Variants in KIAA2012 observed in about 807,000 individuals in gnomAD.
KIAA2012 encodes the protein KIAA2012, also known as uncharacterized protein KIAA2012.
In KIAA2012, 125 loss-of-function variants were observed where a neutral mutation model predicts 150.6. The observed-to-expected ratio is 0.83, with a 90% CI of 0.72 to 0.96. The LOEUF is 0.96. Ranked by LOEUF, KIAA2012 falls within the 40% of genes least tolerant of loss-of-function variation. The pLI, the probability that KIAA2012 is intolerant of heterozygous loss-of-function variation, is 0.00. For missense variants in KIAA2012, 1,219 were observed against 1,354.9 expected (o/e 0.90, Z 1.57); for synonymous variants, 462 against 504.7 (o/e 0.92, Z 1.13).
intron 15 of KIAA2012, among the ~76,000 whole-genome samples, chr2:202,184,535 T>C (rs186635541): frequency 6.6e-6 from 1 of 152,306 alleles, no homozygotes; most frequent in East Asian, 1.9e-4. Context: ...TACTGTCATA[T>C]CACTTTCCCA....
chr2:202,140,812 G>A (rs998056878), intron 13 of KIAA2012, among the ~76,000 whole-genome samples: 1 of 152,132 alleles, frequency 6.6e-6, no homozygotes, highest in Non-Finnish European at 1.5e-5. Flanking sequence ...CCACCCTGAA[G>A]CAGAGGACAT....
At chr2:202,126,994 T>C (rs1690806925) in intron 12 of KIAA2012, among the ~76,000 whole-genome samples, 1 of 152,314 alleles carries the variant, frequency 6.6e-6, no homozygotes, top group Non-Finnish European at 1.5e-5. Flanking sequence ...AAATGGCTTC[T>C]GTCCAACCTC....
chr2:202,187,354 G>A (rs1263899566), intron 17 of KIAA2012, among the ~76,000 whole-genome samples: 1 of 152,052 alleles, frequency 6.6e-6, no homozygotes, highest in East Asian at 1.9e-4. Context: ...GCCCAGGCTG[G>A]AGTGCAGTGG....
intron 15 of KIAA2012, among the ~76,000 whole-genome samples, chr2:202,167,451 G>T (rs1012695904): frequency 4.6e-5 from 7 of 152,184 alleles, no homozygotes; most frequent in Admixed American, 1.3e-4. Flanking sequence ...CCACAGTTTT[G>T]AATCGCTGCC....
chr2:202,155,012 A>C (rs953795779), intron 14 of KIAA2012, among the ~76,000 whole-genome samples: 2 of 152,182 alleles, frequency 1.3e-5, no homozygotes, highest in Non-Finnish European at 2.9e-5. Context: ...TCGGGGACAA[A>C]TCAGTCGGGT....
At chr2:202,117,923 A>G (rs1690567469) in intron 11 of KIAA2012, among the ~76,000 whole-genome samples, 1 of 151,998 alleles carries the variant, frequency 6.6e-6, no homozygotes, top group Admixed American at 6.6e-5. Context: ...CATCATGTGG[A>G]TCTAAAAAGT....
intron 2 of KIAA2012, 143 bp from the exon 3 acceptor site, chr2:202,090,627 T>C: frequency 1.1e-6 from 1 of 890,676 alleles, no homozygotes; most frequent in Non-Finnish European, 1.6e-6. Flanking sequence ...TCATGTCTAT[T>C]AGCCGAGGCA....
At chr2:202,176,797 T>C (rs1010420258) in intron 15 of KIAA2012, among the ~76,000 whole-genome samples, 6 of 152,142 alleles carry the variant, frequency 3.9e-5, no homozygotes, top group Non-Finnish European at 7.3e-5. Context: ...CAAAAAGATA[T>C]CATTTCATAT....
intron 8 of KIAA2012, among the ~76,000 whole-genome samples, chr2:202,105,056 C>G (rs1293824271): frequency 3.3e-5 from 5 of 151,886 alleles, no homozygotes; most frequent in African/African-American, 1.2e-4. Flanking sequence ...ATTTACATGT[C>G]ATAAGGACCC....
chr2:202,153,826 T>C (rs1284634109), intron 13 of KIAA2012, among the ~76,000 whole-genome samples: 2 of 152,202 alleles, frequency 1.3e-5, no homozygotes, highest in Non-Finnish European at 1.5e-5. Flanking sequence ...GTTGTGTGAC[T>C]AAATGAAGCA....
intron 15 of KIAA2012, among the ~76,000 whole-genome samples, chr2:202,177,828 C>T (rs1184410932): frequency 1.3e-5 from 2 of 152,128 alleles, no homozygotes; most frequent in African/African-American, 2.4e-5. Flanking sequence ...TTGAAGGAGA[C>T]GATAACATTC....
At chr2:202,196,186 C>CTTT (rs869092899) in intron 21 of KIAA2012, among the ~76,000 whole-genome samples, 16 of 79,700 alleles carry the variant, frequency 2.0e-4, no homozygotes, top group African/African-American at 2.4e-4. Flanking sequence ...CTTTTCTTTT[C>CTTT]TTTTTTTTTT....
chr2:202,139,076 A>G (rs1327261900), intron 13 of KIAA2012, among the ~76,000 whole-genome samples: 1 of 151,942 alleles, frequency 6.6e-6, no homozygotes, highest in Non-Finnish European at 1.5e-5. Flanking sequence ...CCCCGTGTCT[A>G]CTAAAAATAC....
intron 2 of KIAA2012, among the ~76,000 whole-genome samples, chr2:202,086,167 C>CAAAAAAAAAAAAAAAAAAAAAA (rs56207993): frequency 3.3e-5 from 3 of 90,150 alleles, no homozygotes; most frequent in African/African-American, 1.3e-4. Context: ...AACTCTGTCT[C>CAAAAAAAAAAAAAAAAAAAAAA]AAAAAAAAAA....
At chr2:202,157,933 C>G (rs1691561881) in intron 14 of KIAA2012, among the ~76,000 whole-genome samples, 1 of 152,156 alleles carries the variant, frequency 6.6e-6, no homozygotes, top group Non-Finnish European at 1.5e-5. Context: ...CCCTCCAGTC[C>G]CACTCAAGTT....
chr2:202,119,910 T>G (rs1383268344), intron 11 of KIAA2012, among the ~76,000 whole-genome samples: 3 of 152,280 alleles, frequency 2.0e-5, no homozygotes, highest in South Asian at 4.1e-4. Flanking sequence ...GGGAGGTGAT[T>G]GAATTATGGG....
chr2:202,157,683 G>A (rs1006985814), intron 14 of KIAA2012, among the ~76,000 whole-genome samples: 1 of 152,160 alleles, frequency 6.6e-6, no homozygotes, highest in Non-Finnish European at 1.5e-5. Context: ...GTAACTTACC[G>A]AATGTCACAC....
intron 23 of KIAA2012, among the ~76,000 whole-genome samples, chr2:202,204,725 ACTC>A (rs1692606748): frequency 7.0e-6 from 1 of 143,058 alleles, no homozygotes; most frequent in East Asian, 2.1e-4. Context: ...ACTTATTTTA[ACTC>A]CTTTTTTGTA....
chr2:202,200,302 GT>G (rs1692492538), intron 22 of KIAA2012, among the ~76,000 whole-genome samples: 1 of 152,084 alleles, frequency 6.6e-6, no homozygotes, highest in Non-Finnish European at 1.5e-5. Flanking sequence ...ACATAGCTCA[GT>G]TTTTCTGGCA....
Sources: gnomAD v4.1 joint callset for allele counts (sites outside exome capture counted in the v4.1 genomes callset) on GRCh38, gnomAD v4.1.1 for gene constraint, MANE v1.5 for transcripts, NCBI Gene and HGNC (gene_info 2026-07-23, HGNC 2026-07-21) for gene names.